Variants in H2BN1 observed in about 807,000 individuals in gnomAD.
The protein encoded by H2BN1 is H2B.N variant histone 1.
At chr17:32,898,327 A>G in the H2BN1 span, among the ~76,000 whole-genome samples, 4 of 152,250 alleles carry the variant, frequency 2.6e-5, no homozygotes, top group Non-Finnish European at 4.4e-5. Context: ...AGTCGAAGGC[A>G]GGACAACTCA....
the H2BN1 span, among the ~76,000 whole-genome samples, chr17:32,900,682 C>T: frequency 5.9e-5 from 9 of 151,920 alleles, no homozygotes; most frequent in East Asian, 2.0e-4. Context: ...CTGGGGTTCA[C>T]GCCATTCTCC....
chr17:32,901,892 A>G, the H2BN1 span, among the ~76,000 whole-genome samples: 1 of 152,310 alleles, frequency 6.6e-6, no homozygotes, highest in Admixed American at 6.5e-5. Flanking sequence ...CCCAATTTCT[A>G]GAAAGATCAT....
At chr17:32,896,360 C>T in the H2BN1 span, among the ~76,000 whole-genome samples, 1 of 152,150 alleles carries the variant, frequency 6.6e-6, no homozygotes, top group Non-Finnish European at 1.5e-5. Flanking sequence ...GGGGTAGGCA[C>T]CCTGGTTCCT....
chr17:32,896,662 A>G, the H2BN1 span, among the ~76,000 whole-genome samples: 36 of 152,300 alleles, frequency 2.4e-4, no homozygotes, highest in Middle Eastern at 6.8e-3. Flanking sequence ...CATGATGTGT[A>G]GTGAGGATAT....
the H2BN1 span, among the ~76,000 whole-genome samples, chr17:32,896,870 A>AC: frequency 2.0e-5 from 3 of 152,090 alleles, no homozygotes; most frequent in African/African-American, 7.2e-5. Flanking sequence ...GGGCAAGATT[A>AC]CCCCCAGTGG....
At chr17:32,899,793 AAAAAC>A in the H2BN1 span, among the ~76,000 whole-genome samples, 232 of 152,380 alleles carry the variant, frequency 1.5e-3, no homozygotes, top group African/African-American at 5.4e-3. Context: ...TGACTATGAA[AAAAAC>A]AAAACAAAGG....
At chr17:32,901,191 A>T in the H2BN1 span, among the ~76,000 whole-genome samples, 1 of 152,124 alleles carries the variant, frequency 6.6e-6, no homozygotes, top group African/African-American at 2.4e-5. Flanking sequence ...TGGGTGATAG[A>T]GTGAGACTCT....
chr17:32,901,268 C>T, the H2BN1 span, among the ~76,000 whole-genome samples: 7 of 151,794 alleles, frequency 4.6e-5, no homozygotes, highest in Non-Finnish European at 1.0e-4. Flanking sequence ...CCTTTTATAA[C>T]TTTTATTAAG....
chr17:32,896,755 G>A, the H2BN1 span, among the ~76,000 whole-genome samples: 2 of 152,166 alleles, frequency 1.3e-5, no homozygotes, highest in African/African-American at 4.8e-5. Context: ...TGCATTGTAG[G>A]ATGTTAAGCA....
the H2BN1 span, among the ~76,000 whole-genome samples, chr17:32,904,146 C>T: frequency 6.6e-6 from 1 of 152,180 alleles, no homozygotes; most frequent in South Asian, 2.1e-4. Context: ...CAGACACTCC[C>T]ACAAGGCCCC....
chr17:32,896,397 G>A, the H2BN1 span, among the ~76,000 whole-genome samples: 4 of 152,192 alleles, frequency 2.6e-5, no homozygotes, highest in Non-Finnish European at 4.4e-5. Context: ...ACTTCACCCC[G>A]TGGCATAAGA....
the H2BN1 span, among the ~76,000 whole-genome samples, chr17:32,896,514 CAAGG>C: frequency 6.6e-6 from 1 of 152,086 alleles, no homozygotes; most frequent in African/African-American, 2.4e-5. Context: ...GCCTTCATGA[CAAGG>C]AAGTAAGTTT....
the H2BN1 span, among the ~76,000 whole-genome samples, chr17:32,896,538 C>A: frequency 2.6e-5 from 4 of 152,254 alleles, 1 homozygote; most frequent in African/African-American, 9.6e-5. Flanking sequence ...TGAGTGTTCA[C>A]GTGTGTCATA....
chr17:32,905,916 C>CA, the H2BN1 span: 1 of 152,202 alleles, frequency 6.6e-6, no homozygotes, highest in Non-Finnish European at 1.5e-5. Context: ...AAGCAGTTCT[C>CA]AGTTTGGCTT....
At chr17:32,897,358 T>TACACACACACACACACACACACAC in the H2BN1 span, among the ~76,000 whole-genome samples, 2 of 124,058 alleles carry the variant, frequency 1.6e-5, no homozygotes, top group Admixed American at 8.4e-5. Flanking sequence ...CTCTCTGTCT[T>TACACACACACACACACACACACAC]ACACACACAC....
the H2BN1 span, among the ~76,000 whole-genome samples, chr17:32,905,232 AAAAC>A: frequency 6.6e-6 from 1 of 152,232 alleles, no homozygotes; most frequent in Non-Finnish European, 1.5e-5. Flanking sequence ...AGTAAACTCC[AAAAC>A]AAACAAACAA....
chr17:32,898,976 A>C, the H2BN1 span, among the ~76,000 whole-genome samples: 1 of 152,194 alleles, frequency 6.6e-6, no homozygotes, highest in African/African-American at 2.4e-5. Flanking sequence ...GGGAAGAAAA[A>C]ATTGAAAACA....
chr17:32,904,573 G>A, the H2BN1 span, among the ~76,000 whole-genome samples: 1 of 152,096 alleles, frequency 6.6e-6, no homozygotes. Flanking sequence ...TTAGACCTAA[G>A]AAAAATCTGC....
chr17:32,896,918 C>T, the H2BN1 span, among the ~76,000 whole-genome samples: 1 of 152,136 alleles, frequency 6.6e-6, no homozygotes, highest in Non-Finnish European at 1.5e-5. Flanking sequence ...CTGGTAGGAC[C>T]CTCTATGGGA....
Sources: allele counts gnomAD v4.1 joint callset (sites outside exome capture counted in the v4.1 genomes callset), GRCh38; gene constraint gnomAD v4.1.1; transcripts MANE v1.5; gene names NCBI Gene and HGNC (gene_info 2026-07-23, HGNC 2026-07-21).